The following NEGR1 variants were observed in gnomAD, a reference collection of about 807,000 sequenced individuals.
NEGR1 encodes neuronal growth regulator 1.
In NEGR1, 10 loss-of-function variants were observed where a neutral mutation model predicts 40.9. That is an observed-to-expected ratio of 0.24 (90% CI 0.15 to 0.42). The LOEUF (loss-of-function observed/expected upper bound fraction) is 0.42, where lower values mean the gene tolerates loss of function less well. Among genes scored for constraint, NEGR1 ranks in the 10% least tolerant of loss-of-function variants. The probability of loss-of-function intolerance (pLI) is 1.00; values close to 1 mark genes in which losing one functional copy is unlikely to be tolerated. For missense variants in NEGR1, 352 were observed against 438.9 expected (o/e 0.80, Z 1.77); for synonymous variants, 185 against 166.8 (o/e 1.11, Z -0.84).
chr1:71,553,372 T>C (rs1276422960), intron 6 of NEGR1, among the ~76,000 whole-genome samples: 1 of 151,548 alleles, frequency 6.6e-6, no homozygotes, highest in African/African-American at 2.4e-5. Flanking sequence ...ATTTTCAACT[T>C]ATAACTGTTT....
At chr1:71,594,489 A>G (rs1649621571) in intron 5 of NEGR1, among the ~76,000 whole-genome samples, 1 of 152,216 alleles carries the variant, frequency 6.6e-6, no homozygotes, top group African/African-American at 2.4e-5. Context: ...AATTACTTAT[A>G]TTTCATGTAA....
At chr1:71,952,907 C>A (rs2554409) in intron 1 of NEGR1, among the ~76,000 whole-genome samples, 5,476 of 148,892 alleles carry the variant, frequency 0.037, 325 homozygotes, top group African/African-American at 0.13. Context: ...ACATTTTTTA[C>A]AGCTTGATGC....
At chr1:71,809,003 T>G (rs1345038718) in intron 2 of NEGR1, among the ~76,000 whole-genome samples, 2 of 152,138 alleles carry the variant, frequency 1.3e-5, no homozygotes, top group African/African-American at 4.8e-5. Context: ...CATGATTAGA[T>G]CCTTAGTTGC....
intron 6 of NEGR1, among the ~76,000 whole-genome samples, chr1:71,423,544 T>C (rs1465024484): frequency 1.3e-5 from 2 of 152,228 alleles, no homozygotes; most frequent in South Asian, 4.1e-4. Context: ...CATTTGAAGA[T>C]ATTACCTTTT....
chr1:71,899,090 G>A (rs1241149153), intron 2 of NEGR1, among the ~76,000 whole-genome samples: 1 of 147,620 alleles, frequency 6.8e-6, no homozygotes, highest in East Asian at 2.0e-4. Context: ...TCTGGGAACA[G>A]CAAAATTCTT....
At chr1:72,000,846 T>C (rs1646550897) in intron 1 of NEGR1, among the ~76,000 whole-genome samples, 1 of 152,140 alleles carries the variant, frequency 6.6e-6, no homozygotes, top group Non-Finnish European at 1.5e-5. Flanking sequence ...AGAAAAAACC[T>C]GACAGGCAGG....
chr1:72,016,462 C>T (rs911213328), intron 1 of NEGR1, among the ~76,000 whole-genome samples: 1 of 152,066 alleles, frequency 6.6e-6, no homozygotes, highest in African/African-American at 2.4e-5. Context: ...CACTCATCTG[C>T]CTCACAACAT....
intron 1 of NEGR1, among the ~76,000 whole-genome samples, chr1:72,220,792 A>G (rs1653987340): frequency 6.6e-6 from 1 of 152,084 alleles, no homozygotes. Context: ...TACTCTGAGC[A>G]CTGAAAGAAC....
chr1:71,882,423 C>T (rs1180634316), intron 2 of NEGR1, among the ~76,000 whole-genome samples: 1 of 151,862 alleles, frequency 6.6e-6, no homozygotes, highest in African/African-American at 2.4e-5. Context: ...ATGGGAACTG[C>T]CCACGTGGTT....
Position 71,753,290 on chromosome 1 carries a change from T to A in NEGR1, c.535+22882A>T, listed in dbSNP as rs1289439545. Among the ~76,000 whole-genome samples, 3 of 152,128 alleles carry A rather than the reference T, an allele frequency of 2.0e-5. No individual in the cohort carries two copies. The East Asian group carries it at 5.8e-4, about 29-fold the overall frequency. On this transcript the variant is annotated intron_variant, in intron 3 of 6. Transcript: ENST00000357731. ...AATCATTATGTAAAATTACCTAAAT[T>A]ATTTTGGGTTTTATCATTCATTCAA... is the stretch of plus-strand genomic sequence containing the variant.
At chr1:71,961,457 T>C (rs992874511) in intron 1 of NEGR1, among the ~76,000 whole-genome samples, 1 of 152,112 alleles carries the variant, frequency 6.6e-6, no homozygotes, top group Non-Finnish European at 1.5e-5. Context: ...ATTTTGGAGT[T>C]GGTAGATGTG....
chr1:71,865,724 C>T (rs919731042), intron 2 of NEGR1, among the ~76,000 whole-genome samples: 2 of 152,142 alleles, frequency 1.3e-5, no homozygotes, highest in African/African-American at 2.4e-5. Context: ...ACGTTCTGCA[C>T]ATGTATCCCA....
At chr1:71,622,579 T>G (rs939519898) in intron 4 of NEGR1, among the ~76,000 whole-genome samples, 1 of 151,932 alleles carries the variant, frequency 6.6e-6, no homozygotes, top group Non-Finnish European at 1.5e-5. Flanking sequence ...TATTAATCAT[T>G]CAAGGTATGT....
chr1:72,015,353 C>T (rs1478873042), intron 1 of NEGR1, among the ~76,000 whole-genome samples: 1 of 151,902 alleles, frequency 6.6e-6, no homozygotes, highest in Non-Finnish European at 1.5e-5. Flanking sequence ...CAGATGTATA[C>T]AATTTTGTGG....
At chr1:71,570,092 C>T (rs747086982) in intron 6 of NEGR1, among the ~76,000 whole-genome samples, 3 of 152,180 alleles carry the variant, frequency 2.0e-5, no homozygotes, top group East Asian at 1.9e-4. Context: ...AGATAATTTG[C>T]GAACCATTTT....
intron 2 of NEGR1, among the ~76,000 whole-genome samples, chr1:71,790,111 T>A (rs1657061001): frequency 6.6e-6 from 1 of 152,024 alleles, no homozygotes; most frequent in Non-Finnish European, 1.5e-5. Context: ...ACATATTGAG[T>A]GTGTATGTAG....
intron 2 of NEGR1, among the ~76,000 whole-genome samples, chr1:71,916,507 C>G (rs775835966): frequency 4.6e-5 from 7 of 152,186 alleles, no homozygotes; most frequent in African/African-American, 7.2e-5. Context: ...AATCGCAACA[C>G]TTTGGGAGGC....
At chr1:71,838,481 T>C (rs1374655150) in intron 2 of NEGR1, among the ~76,000 whole-genome samples, 3 of 152,138 alleles carry the variant, frequency 2.0e-5, no homozygotes, top group African/African-American at 7.2e-5. Context: ...ACTCCTAGCT[T>C]TGACTAAGGT....
chr1:71,991,483 G>A (rs1646450367), intron 1 of NEGR1, among the ~76,000 whole-genome samples: 1 of 152,108 alleles, frequency 6.6e-6, no homozygotes, highest in Non-Finnish European at 1.5e-5. Flanking sequence ...GGCTAATGCT[G>A]TACCTGGAAT....
Sources: gnomAD v4.1 joint callset for allele counts (sites outside exome capture counted in the v4.1 genomes callset) on GRCh38, gnomAD v4.1.1 for gene constraint, MANE v1.5 for transcripts, NCBI Gene and HGNC (gene_info 2026-07-23, HGNC 2026-07-21) for gene names.